SLC49A4: variants seen among roughly 807,000 people sequenced by gnomAD.
SLC49A4 encodes the protein solute carrier family 49 member 4, also known as disrupted in renal cancer protein 2.
In SLC49A4, 36 loss-of-function variants were observed where a neutral mutation model predicts 50.6. The observed-to-expected ratio is 0.71, with a 90% confidence interval of 0.55 to 0.94. The LOEUF (loss-of-function observed/expected upper bound fraction) is 0.94, where lower values mean the gene tolerates loss of function less well. SLC49A4 is among the 40% of genes least tolerant of loss of function. SLC49A4 has a pLI of 0.00. For missense variants in SLC49A4, 503 were observed against 605.7 expected (o/e 0.83, Z 1.78); for synonymous variants, 248 against 241.2 (o/e 1.03, Z -0.26).
chr3:122,820,282 C>T (rs1404880472), intron 2 of SLC49A4, among the ~76,000 whole-genome samples: 1 of 152,164 alleles, frequency 6.6e-6, no homozygotes, highest in Non-Finnish European at 1.5e-5. Flanking sequence ...CTAGTTCTGG[C>T]TGAGCCATTA....
chr3:122,859,154 G>T (rs748885494), intron 6 of SLC49A4, among the ~76,000 whole-genome samples: 5 of 152,162 alleles, frequency 3.3e-5, no homozygotes, highest in Non-Finnish European at 7.4e-5. Flanking sequence ...GAGCCCAGAG[G>T]GCCTTGTTGA....
chr3:122,877,434 C>T (rs957240614), intron 8 of SLC49A4, among the ~76,000 whole-genome samples: 2 of 152,142 alleles, frequency 1.3e-5, no homozygotes, highest in Non-Finnish European at 2.9e-5. Flanking sequence ...TCATCTGAAC[C>T]TATGTAGAAG....
At chr3:122,866,937 T>C (rs12494271) in intron 7 of SLC49A4, among the ~76,000 whole-genome samples, 32,865 of 152,078 alleles carry the variant, frequency 0.22, 3,875 homozygotes, top group East Asian at 0.48. Context: ...AATTATCATC[T>C]TAACACTGTG....
intron 1 of SLC49A4, among the ~76,000 whole-genome samples, chr3:122,796,128 A>G (rs1447708056): frequency 6.6e-6 from 1 of 152,190 alleles, no homozygotes; most frequent in Non-Finnish European, 1.5e-5. Context: ...AAGCTTGCAG[A>G]TGAGTGAAGA....
intron 4 of SLC49A4, among the ~76,000 whole-genome samples, chr3:122,842,485 C>CAAAAA (rs34914829): frequency 6.8e-5 from 4 of 58,758 alleles, no homozygotes; most frequent in Non-Finnish European, 8.7e-5. Context: ...GACTCCGTCT[C>CAAAAA]AAAAAAAAAA....
chr3:122,806,909 T>C lies in SLC49A4; in HGVS notation c.396T>C (p.Gly132=). Residue 132 remains glycine (G), a synonymous_variant, in exon 2 of 9, where the codon GGT becomes GGC. Transcript: ENST00000261038. The stretch of plus-strand genomic sequence containing the variant: ...CCTTCCTTATGGTTTTGGGAACTGG[T>C]CTAAGATGCATACCTATATCAGACT... ...LTSFLMVLGT[G]LRCIPISDLI... 6.2e-7 allele frequency: 1 copy of C among 1,610,194 alleles called. No individual in the cohort carries two copies. Among genetic ancestry groups the C allele is most frequent in the Non-Finnish European group, 8.5e-7 (1 of 1,176,760 alleles).
At chr3:122,802,737 C>T (rs564679646) in intron 1 of SLC49A4, among the ~76,000 whole-genome samples, 11 of 152,034 alleles carry the variant, frequency 7.2e-5, no homozygotes, top group South Asian at 2.1e-4. Flanking sequence ...ATGTGTAAGA[C>T]GAAAAATATA....
At position 122,795,349 on chromosome 3, in the gene SLC49A4, C is replaced by G. The variant is rs1164497683; in HGVS notation, c.157C>G (p.Leu53Val). 6.4e-7 allele frequency: 1 copy of G among 1,572,676 alleles called. No individual in the cohort carries two copies. Among genetic ancestry groups the G allele is most frequent in the Non-Finnish European group, 8.6e-7 (1 of 1,166,710 alleles). Residue 53 changes from leucine (L) to valine (V), a missense_variant, in exon 1 of 9, where the codon CTG becomes GTG. Transcript: ENST00000261038. ...GPGRVYGRRWLVLLLFSLLAF... is the reference protein window; with the variant it reads ...GPGRVYGRRWVVLLLFSLLAF... ...CGGGCGGGTATACGGGCGCCGCTGG[C>G]TGGTGCTGCTGCTCTTCTCGCTGCT...
At chr3:122,839,015 A>T (rs1035758384) in intron 4 of SLC49A4, among the ~76,000 whole-genome samples, 1 of 152,252 alleles carries the variant, frequency 6.6e-6, no homozygotes, top group African/African-American at 2.4e-5. Flanking sequence ...TTACTAAAAC[A>T]GCATGGTACT....
At position 122,842,897 on chromosome 3, in the gene SLC49A4, G is replaced by A. The variant is rs148996636; in HGVS notation, c.834-2866G>A. Among the ~76,000 whole-genome samples the A allele has an allele frequency of 2.8e-3, 425 of 152,310 alleles. 2 individuals carry two copies. The highest frequency in any genetic ancestry group is 4.1e-3 in the Non-Finnish European group (281 of 68,034). On this transcript the variant is annotated intron_variant, in intron 4 of 8. Coordinates refer to ENST00000261038, the MANE Select transcript of SLC49A4 (RefSeq NM_032839.3). ...CAGGGGAGTTCTGTGGGCCTGCCAT[G>A]CCCCATTCCCTTCCTACCAGTGTAA... is the stretch of plus-strand genomic sequence containing the variant.
chr3:122,868,032 G>A (rs566494778), intron 7 of SLC49A4, among the ~76,000 whole-genome samples: 14 of 152,082 alleles, frequency 9.2e-5, no homozygotes, highest in South Asian at 2.1e-4. Context: ...GGAGAATGGC[G>A]TGAACCCAGG....
chr3:122,825,520 T>C (rs1159336373), intron 2 of SLC49A4, among the ~76,000 whole-genome samples: 1 of 151,824 alleles, frequency 6.6e-6, no homozygotes, highest in African/African-American at 2.4e-5. Context: ...AATTCACATA[T>C]TTCACTTCCC....
At chr3:122,838,623 G>A (rs1003403908) in intron 4 of SLC49A4, among the ~76,000 whole-genome samples, 65 of 151,868 alleles carry the variant, frequency 4.3e-4, no homozygotes, top group African/African-American at 1.4e-3. Flanking sequence ...GAGTTAATGG[G>A]TGCAGCACAC....
At chr3:122,827,740 T>C (rs1471295407) in intron 3 of SLC49A4, among the ~76,000 whole-genome samples, 2 of 152,244 alleles carry the variant, frequency 1.3e-5, no homozygotes, top group Non-Finnish European at 2.9e-5. Flanking sequence ...TGCCAAGCAC[T>C]GTGCTAAGCA....
In SLC49A4 at chr3:122,795,100, T is replaced by C; in HGVS notation, c.-93T>C. ...GAGGCCGAGGGCGACCACAGCAGCC[T>C]CCGCCTCCTGCTGCTCAGGACTATT... On this transcript the variant is annotated 5_prime_UTR_variant, in exon 1 of 9. Transcript: ENST00000261038. 8.2e-7 allele frequency: 1 copy of C among 1,217,212 alleles called. No individual in the cohort carries two copies. The highest frequency in any genetic ancestry group is 1.0e-6 in the Non-Finnish European group (1 of 976,060). The allele number at this position is 1,217,212 out of a possible 1,614,324, so 75.4% of individuals were successfully genotyped here.
chr3:122,871,642 G>A (rs1369248156), intron 7 of SLC49A4, among the ~76,000 whole-genome samples: 2 of 151,828 alleles, frequency 1.3e-5, no homozygotes, highest in Non-Finnish European at 2.9e-5. Flanking sequence ...CTTTCCTTTT[G>A]GGTTCTGTTT....
chr3:122,849,994 A>T (rs535477277), intron 5 of SLC49A4, among the ~76,000 whole-genome samples: 5 of 152,344 alleles, frequency 3.3e-5, no homozygotes, highest in African/African-American at 1.2e-4. Flanking sequence ...TTAGAAAAAA[A>T]AAAAGTGCAG....
intron 5 of SLC49A4, 52 bp from the exon 6 acceptor site, chr3:122,856,255 A>G: frequency 5.1e-6 from 8 of 1,573,474 alleles, no homozygotes; most frequent in Non-Finnish European, 7.0e-6. Context: ...CATTCCTTTT[A>G]TATTGCAGTA....
intron 4 of SLC49A4, among the ~76,000 whole-genome samples, chr3:122,841,630 A>T (rs1293455450): frequency 6.6e-6 from 1 of 152,244 alleles, no homozygotes; most frequent in Non-Finnish European, 1.5e-5. Flanking sequence ...TTAAAAACTC[A>T]GTTCCTTGGT....
Sources: gnomAD v4.1 joint callset for allele counts (sites outside exome capture counted in the v4.1 genomes callset) on GRCh38, gnomAD v4.1.1 for gene constraint, MANE v1.5 for transcripts, NCBI Gene and HGNC (gene_info 2026-07-23, HGNC 2026-07-21) for gene names.